Variants in RALYL observed in about 807,000 individuals in gnomAD.
RALYL encodes RALY RNA binding protein like, also known as RNA-binding Raly-like protein.
In RALYL, 29 loss-of-function variants were observed where a neutral mutation model predicts 35.1. That is an observed-to-expected ratio of 0.83 (90% CI 0.61 to 1.13). The LOEUF is 1.13. RALYL is among the 50% of genes most tolerant of loss of function. The pLI is 0.00. For missense variants in RALYL, 359 were observed against 360.4 expected (o/e 1.00, Z 0.03); for synonymous variants, 120 against 127.6 (o/e 0.94, Z 0.40).
intron 2 of RALYL, among the ~76,000 whole-genome samples, chr8:84,551,587 G>A (rs2060722792): frequency 6.6e-6 from 1 of 151,998 alleles, no homozygotes; most frequent in African/African-American, 2.4e-5. Flanking sequence ...CTAGTTAAGA[G>A]GAATAGCTTG....
rs1554640548 is a variant in RALYL, at chr8:84,377,458, T to TTTTTGTTTGTTTGTTTGTTTG, written c.-23-151837_-23-151836insGTTTGTTTGTTTGTTTGTTTT. Reference sequence around the variant, plus strand: ...TATCATCAAAGGTTAACTGTTTTTTTTTTTTTTTTTTTTTTTTCTTAAACT... The same window carrying TTTTTGTTTGTTTGTTTGTTTG: ...TATCATCAAAGGTTAACTGTTTTTTTTTTTGTTTGTTTGTTTGTTTGTTTTTTTTTTTTTTTTTCTTAAACT... On this transcript the variant is annotated intron_variant, in intron 1 of 8. Coordinates refer to ENST00000521268, the MANE Select transcript of RALYL (RefSeq NM_173848.7). 1.9e-3 allele frequency among the ~76,000 whole-genome samples: 276 copies of TTTTTGTTTGTTTGTTTGTTTG among 143,204 alleles called. 3 individuals carry two copies. Among genetic ancestry groups the TTTTTGTTTGTTTGTTTGTTTG allele is most frequent in the African/African-American group, 7.0e-3 (251 of 36,094 alleles). 93.9% of individuals were successfully genotyped at this position (143,204 alleles called of 152,430 possible).
At chr8:84,523,538 A>C (rs2058640082) in intron 1 of RALYL, among the ~76,000 whole-genome samples, 1 of 151,312 alleles carries the variant, frequency 6.6e-6, no homozygotes, top group Admixed American at 6.6e-5. Context: ...ATTATACTTT[A>C]AGTTTTAGGG....
At chr8:84,291,266 C>A (rs1346522326) in intron 1 of RALYL, among the ~76,000 whole-genome samples, 1 of 152,166 alleles carries the variant, frequency 6.6e-6, no homozygotes, top group Non-Finnish European at 1.5e-5. Context: ...GCACTATTGG[C>A]TGAAAGACTT....
intron 1 of RALYL, among the ~76,000 whole-genome samples, chr8:84,340,172 C>A (rs551429146): frequency 1.3e-5 from 2 of 152,164 alleles, no homozygotes; most frequent in South Asian, 4.1e-4. Flanking sequence ...CATTAAACCT[C>A]TTTTTCTTTA....
At chr8:84,881,457 G>A (rs1012036317) in intron 7 of RALYL, among the ~76,000 whole-genome samples, 6 of 151,920 alleles carry the variant, frequency 3.9e-5, no homozygotes, top group Non-Finnish European at 5.9e-5. Flanking sequence ...AATTAAGCCA[G>A]CATGTCAAAA....
Position 84,382,425 on chromosome 8 carries a change from G to T in RALYL, c.-23-146874G>T, listed in dbSNP as rs191119457. ...AGAAAATGCATCAACTAAGCAGATTGTTCTGTGATGACTTGGATTATCAAA... is the reference window on the plus strand; with the variant it reads ...AGAAAATGCATCAACTAAGCAGATTTTTCTGTGATGACTTGGATTATCAAA... On this transcript the variant is annotated intron_variant, in intron 1 of 8. Coordinates refer to ENST00000521268, the MANE Select transcript of RALYL (RefSeq NM_173848.7). Among the ~76,000 whole-genome samples the T allele has an allele frequency of 1.5e-3, 227 of 151,734 alleles. 2 individuals carry two copies. Among genetic ancestry groups the T allele is most frequent in the African/African-American group, 4.5e-3 (185 of 41,466 alleles).
At chr8:84,204,888 A>AT (rs1191615660) in intron 1 of RALYL, among the ~76,000 whole-genome samples, 1 of 152,092 alleles carries the variant, frequency 6.6e-6, no homozygotes, top group African/African-American at 2.4e-5. Context: ...AAGTATGTGT[A>AT]TTTTTTCTCA....
At chr8:84,627,257 C>CT (rs1822934995) in intron 2 of RALYL, among the ~76,000 whole-genome samples, 1 of 151,514 alleles carries the variant, frequency 6.6e-6, no homozygotes, top group Admixed American at 6.6e-5. Flanking sequence ...GGTGATCAGT[C>CT]TTTTTGGAAT....
chr8:84,702,552 C>A (rs571648949), intron 2 of RALYL, among the ~76,000 whole-genome samples: 2 of 151,778 alleles, frequency 1.3e-5, no homozygotes, highest in East Asian at 3.9e-4. Context: ...CACACACACA[C>A]ACACACACAC....
intron 1 of RALYL, among the ~76,000 whole-genome samples, chr8:84,486,518 A>G (rs1265142742): frequency 6.6e-6 from 1 of 151,920 alleles, no homozygotes; most frequent in Non-Finnish European, 1.5e-5. Context: ...TAGAGGATTT[A>G]AACAGATATG....
chr8:84,597,923 C>T (rs1455233919), intron 2 of RALYL, among the ~76,000 whole-genome samples: 2 of 152,260 alleles, frequency 1.3e-5, no homozygotes, highest in African/African-American at 4.8e-5. Flanking sequence ...GATCCCTGCT[C>T]TTAAGCACAA....
chr8:84,403,522 CTGTT>C (rs1209244787), intron 1 of RALYL, among the ~76,000 whole-genome samples: 1,346 of 52,044 alleles, frequency 0.026, 60 homozygotes, highest in African/African-American at 0.088. Context: ...GTCTATATCT[CTGTT>C]TTTTTTTTTT....
intron 1 of RALYL, among the ~76,000 whole-genome samples, chr8:84,342,296 A>ATATATATATATATATATATATATAT (rs1554626164): frequency 8.8e-4 from 105 of 119,076 alleles, no homozygotes; most frequent in African/African-American, 1.5e-3. Context: ...ATATATATAT[A>ATATATATATATATATATATATATAT]AAACTCAAAA....
At chr8:84,631,467 T>C (rs1211647022) in intron 2 of RALYL, among the ~76,000 whole-genome samples, 1 of 152,002 alleles carries the variant, frequency 6.6e-6, no homozygotes, top group Non-Finnish European at 1.5e-5. Flanking sequence ...TGTCATGGGA[T>C]GAAAGATAAA....
At chr8:84,537,694 A>G (rs770594076) in intron 2 of RALYL, among the ~76,000 whole-genome samples, 2 of 152,184 alleles carry the variant, frequency 1.3e-5, no homozygotes, top group African/African-American at 2.4e-5. Flanking sequence ...AACCTTCTCA[A>G]AGAAGATCAA....
chr8:84,565,644 G>T (rs2061735744), intron 2 of RALYL, among the ~76,000 whole-genome samples: 2 of 151,532 alleles, frequency 1.3e-5, no homozygotes, highest in Admixed American at 1.3e-4. Flanking sequence ...CTCAGGAAAA[G>T]AACTAGTAAT....
intron 3 of RALYL, among the ~76,000 whole-genome samples, chr8:84,785,890 G>A (rs892625221): frequency 1.3e-5 from 2 of 152,168 alleles, no homozygotes; most frequent in Non-Finnish European, 2.9e-5. Context: ...ATAGGTAAAT[G>A]TGTGCCATGG....
intron 2 of RALYL, among the ~76,000 whole-genome samples, chr8:84,637,437 C>T (rs1004235731): frequency 1.3e-5 from 2 of 151,798 alleles, no homozygotes; most frequent in African/African-American, 2.4e-5. Flanking sequence ...TCCCATCAGG[C>T]CTGCAAGAAT....
intron 4 of RALYL, among the ~76,000 whole-genome samples, chr8:84,821,983 C>T (rs990201142): frequency 2.0e-5 from 3 of 152,048 alleles, no homozygotes; most frequent in African/African-American, 7.2e-5. Context: ...AGCTGCTGGC[C>T]ACATTCAACT....
Sources: gnomAD v4.1 joint callset for allele counts (sites outside exome capture counted in the v4.1 genomes callset) on GRCh38, gnomAD v4.1.1 for gene constraint, MANE v1.5 for transcripts, NCBI Gene and HGNC (gene_info 2026-07-23, HGNC 2026-07-21) for gene names.